Variants in EML6 observed in about 807,000 individuals in gnomAD.
The protein encoded by EML6 is echinoderm microtubule-associated protein-like 6.
Under a neutral mutation model 240.1 loss-of-function variants are expected in EML6, and 154 were observed. The ratio of observed to expected loss-of-function variants is 0.64; its 90% confidence interval spans 0.56 to 0.73. EML6 has a LOEUF of 0.73. Among genes scored for constraint, EML6 ranks in the 30% least tolerant of loss-of-function variants. The pLI, the probability that EML6 is intolerant of heterozygous loss-of-function variation, is 0.00. For missense variants in EML6, 2,964 were observed against 2,474.6 expected (o/e 1.20, Z -4.20); for synonymous variants, 1,148 against 899.0 (o/e 1.28, Z -4.95).
At chr2:54,726,404 CTTT>C (rs543450418) in intron 2 of EML6, among the ~76,000 whole-genome samples, 1 of 151,554 alleles carries the variant, frequency 6.6e-6, no homozygotes, top group Admixed American at 6.6e-5. Context: ...CAAAGATCAG[CTTT>C]TTTTTCCCTT....
At chr2:54,797,230 A>G (rs1222588794) in intron 2 of EML6, among the ~76,000 whole-genome samples, 2 of 148,870 alleles carry the variant, frequency 1.3e-5, no homozygotes, top group African/African-American at 4.9e-5. Context: ...GAGGAGCTGT[A>G]TTTATTATAA....
At chr2:54,885,817 T>TA (rs1356292825) in intron 17 of EML6, among the ~76,000 whole-genome samples, 3 of 152,068 alleles carry the variant, frequency 2.0e-5, no homozygotes, top group Non-Finnish European at 1.5e-5. Context: ...TTCACCGTGT[T>TA]AGCCAGGATG....
At chr2:54,777,421 G>A (rs1349427628) in intron 2 of EML6, among the ~76,000 whole-genome samples, 2 of 152,144 alleles carry the variant, frequency 1.3e-5, no homozygotes, top group African/African-American at 2.4e-5. Flanking sequence ...TTTGCTTTGG[G>A]TTCCATGTAA....
At chr2:54,961,284 G>T (rs180802629) in intron 35 of EML6, among the ~76,000 whole-genome samples, 2 of 146,842 alleles carry the variant, frequency 1.4e-5, no homozygotes, top group Non-Finnish European at 3.0e-5. Flanking sequence ...TCTTGGGTTC[G>T]AGCGATTCTC....
intron 8 of EML6, among the ~76,000 whole-genome samples, chr2:54,846,439 G>C (rs1461731547): frequency 1.3e-5 from 2 of 150,124 alleles, no homozygotes; most frequent in African/African-American, 4.9e-5. Context: ...ATATATATTT[G>C]TGTTGATATA....
At chr2:54,932,806 C>G (rs935399568) in intron 28 of EML6, among the ~76,000 whole-genome samples, 1 of 152,136 alleles carries the variant, frequency 6.6e-6, no homozygotes, top group Admixed American at 6.5e-5. Flanking sequence ...TTGCTTGGTA[C>G]CAAATTACTA....
intron 2 of EML6, among the ~76,000 whole-genome samples, chr2:54,769,665 C>A (rs1329670808): frequency 6.6e-6 from 1 of 152,166 alleles, no homozygotes; most frequent in African/African-American, 2.4e-5. Flanking sequence ...GTGAAACCAT[C>A]ACCACAATGT....
intron 2 of EML6, among the ~76,000 whole-genome samples, chr2:54,801,182 T>C (rs991446937): frequency 1.3e-5 from 2 of 151,758 alleles, no homozygotes; most frequent in Non-Finnish European, 2.9e-5. Context: ...CAGCCGGGCA[T>C]GGTGGTGGGC....
At chr2:54,790,297 A>G (rs1163202719) in intron 2 of EML6, among the ~76,000 whole-genome samples, 1 of 152,142 alleles carries the variant, frequency 6.6e-6, no homozygotes, top group African/African-American at 2.4e-5. Context: ...ATATGTATAT[A>G]TTGTTTTCAT....
Position 54,959,275 on chromosome 2 carries a change from C to T in EML6, c.4853+14C>T, listed in dbSNP as rs1676382478. ...AAAAGAGAGGCCGTAAGCCAAAGCT[C>T]CTATGGAAACAACTTGTCGTTTGTT... is the stretch of plus-strand genomic sequence containing the variant. On this transcript the variant is annotated intron_variant, in intron 34 of 41. Coordinates refer to ENST00000356458, the MANE Select transcript of EML6 (RefSeq NM_001039753.4). The T allele has an allele frequency of 1.3e-6, 2 of 1,503,986 alleles. No homozygotes were observed. Among genetic ancestry groups the T allele is most frequent in the African/African-American group, 1.4e-5 (1 of 70,960 alleles). 93.2% of individuals were successfully genotyped at this position (1,503,986 alleles called of 1,614,324 possible).
At chr2:54,932,975 T>A (rs986941897) in intron 28 of EML6, among the ~76,000 whole-genome samples, 1 of 152,202 alleles carries the variant, frequency 6.6e-6, no homozygotes, top group African/African-American at 2.4e-5. Context: ...CACCTAAGTA[T>A]GCAGGAGTGG....
chr2:54,732,849 C>CTA (rs1228565367), intron 2 of EML6, among the ~76,000 whole-genome samples: 1 of 152,188 alleles, frequency 6.6e-6, no homozygotes, highest in Non-Finnish European at 1.5e-5. Context: ...CAACAACAGT[C>CTA]TATACATTGG....
At chr2:54,908,225 T>C (rs1673451731) in intron 24 of EML6, among the ~76,000 whole-genome samples, 1 of 151,896 alleles carries the variant, frequency 6.6e-6, no homozygotes, top group African/African-American at 2.4e-5. Context: ...TTTTTTTTTT[T>C]TTGAGACAGG....
intron 2 of EML6, among the ~76,000 whole-genome samples, chr2:54,757,272 T>C (rs1199207240): frequency 2.6e-5 from 4 of 152,190 alleles, no homozygotes; most frequent in African/African-American, 9.7e-5. Flanking sequence ...GCTCTCTTTG[T>C]ATTTAAGAGC....
chr2:54,907,938 AGATAGATAAGAT>A (rs144097393), intron 24 of EML6, among the ~76,000 whole-genome samples: 4,350 of 57,074 alleles, frequency 0.076, 72 homozygotes, highest in East Asian at 0.092. Flanking sequence ...ATAGATAGAT[AGATAGATAAGAT>A]AGATAGATAG....
intron 2 of EML6, among the ~76,000 whole-genome samples, chr2:54,733,862 C>T (rs1428407816): frequency 6.6e-6 from 1 of 152,066 alleles, no homozygotes; most frequent in African/African-American, 2.4e-5. Flanking sequence ...AGAAGATTCC[C>T]CACCCCTAAT....
intron 38 of EML6, among the ~76,000 whole-genome samples, chr2:54,965,488 G>A (rs1676708385): frequency 2.0e-5 from 3 of 152,190 alleles, no homozygotes; most frequent in Admixed American, 1.3e-4. Context: ...AGTAATTCAC[G>A]CAGAGCTGGC....
rs368844074 is a variant in EML6 at position 54,895,044 on chromosome 2, G to A, written c.2854+18G>A. 4.1e-5 allele frequency: 62 copies of A among 1,505,550 alleles called. No individual in the cohort carries two copies. Among genetic ancestry groups the A allele is most frequent in the Non-Finnish European group, 5.5e-5 (61 of 1,105,104 alleles). The allele number at this position is 1,505,550 out of a possible 1,614,324, so 93.3% of individuals were successfully genotyped here. On this transcript the variant is annotated intron_variant, in intron 20 of 41. Transcript: ENST00000356458. ...CTCAAAAGGTGCCACTCCCAAACAT[G>A]TAATAGAGATCTTTGTATTCATAGG... is the stretch of plus-strand genomic sequence containing the variant.
In EML6 at chr2:54,966,733, C is replaced by T. The variant is rs528669774; in HGVS notation, c.5494-267C>T. On this transcript the variant is annotated intron_variant, in intron 38 of 41. Coordinates refer to ENST00000356458, the MANE Select transcript of EML6 (RefSeq NM_001039753.4). ...CTAACACATTTCTAGATGCAGCTGA[C>T]GTTGCTGGTCGGGAACCACACTCAG... The T allele has an allele frequency of 8.3e-5, 19 of 227,958 alleles. 1 individual carries two copies. The East Asian group carries it at 1.0e-3, about 12-fold the overall frequency. The allele number at this position is 227,958 out of a possible 1,614,324, so 14.1% of individuals were successfully genotyped here.
Sources: allele counts gnomAD v4.1 joint callset (sites outside exome capture counted in the v4.1 genomes callset), GRCh38; gene constraint gnomAD v4.1.1; transcripts MANE v1.5; gene names NCBI Gene and HGNC (gene_info 2026-07-23, HGNC 2026-07-21).